PCDHGA8: variants seen among roughly 807,000 people sequenced by gnomAD.
PCDHGA8 encodes protocadherin gamma-A8.
In PCDHGA8, 45 loss-of-function variants were observed where a neutral mutation model predicts 59.2. That is an observed-to-expected ratio of 0.76 (90% CI 0.60 to 0.98). The LOEUF (loss-of-function observed/expected upper bound fraction) is 0.98, where lower values mean the gene tolerates loss of function less well. PCDHGA8 is among the 50% of genes least tolerant of loss of function. The pLI, the probability that PCDHGA8 is intolerant of heterozygous loss-of-function variation, is 0.00. For missense variants in PCDHGA8, 1,257 were observed against 1,196.2 expected (o/e 1.05, Z -0.75); for synonymous variants, 531 against 519.0 (o/e 1.02, Z -0.32).
intron 1 of PCDHGA8, chr5:141,400,377 A>G: frequency 1.2e-6 from 2 of 1,613,892 alleles, no homozygotes; most frequent in Non-Finnish European, 1.7e-6. Flanking sequence ...CCTACAACCT[A>G]TGTGTTGCAC....
At position 141,491,303 on chromosome 5, in the gene PCDHGA8, C is replaced by T; in HGVS notation, c.2425-3504C>T. On this transcript the variant is annotated intron_variant, in intron 1 of 3. Coordinates refer to ENST00000398604, the MANE Select transcript of PCDHGA8 (RefSeq NM_032088.2). This position sits in a 1 kb window ranked among gnomAD's most constrained non-coding sequence, Gnocchi z 6.9. ...TTCCTCATACACCCTCCTGAGCGTT[C>T]AGACCTTACCCTTTACCTCATTGTG... 6.2e-7 allele frequency: 1 copy of T among 1,614,132 alleles called. No homozygotes were observed. The highest frequency in any genetic ancestry group is 8.5e-7 in the Non-Finnish European group (1 of 1,179,962).
chr5:141,450,678 G>C (rs1038323301), intron 1 of PCDHGA8, among the ~76,000 whole-genome samples: 1 of 151,854 alleles, frequency 6.6e-6, no homozygotes, highest in Non-Finnish European at 1.5e-5. Context: ...GTAGAAACGG[G>C]GTTTTGCCAT....
intron 1 of PCDHGA8, among the ~76,000 whole-genome samples, chr5:141,454,859 G>A (rs2098805080): frequency 7.9e-6 from 1 of 126,982 alleles, no homozygotes; most frequent in African/African-American, 3.1e-5. Flanking sequence ...CCAGGCTGGA[G>A]TGCAGTGGCA....
chr5:141,423,517 T>A (rs750915364), intron 1 of PCDHGA8: 1 of 1,613,834 alleles, frequency 6.2e-7, no homozygotes, highest in Admixed American at 1.7e-5. Context: ...CATTGCGGAC[T>A]CGCAGAAGAG....
At chr5:141,397,024 A>G (rs188506780) in intron 1 of PCDHGA8, among the ~76,000 whole-genome samples, 30 of 152,358 alleles carry the variant, frequency 2.0e-4, no homozygotes, top group African/African-American at 7.2e-4. Flanking sequence ...AAGGTTGACC[A>G]ATGTCCACAA....
At chr5:141,419,306 C>T in intron 1 of PCDHGA8, 1 of 1,614,032 alleles carries the variant, frequency 6.2e-7, no homozygotes, top group Non-Finnish European at 8.5e-7. Context: ...AGACTTCGGG[C>T]TCAACGGCCG....
chr5:141,489,692 G>C lies in PCDHGA8; in HGVS notation c.2425-5115G>C, dbSNP rs768806028. The stretch of plus-strand genomic sequence containing the variant: ...TCAGAATCAGCAGCATCTGGGGCAC[G>C]ATTCCCACTGGACAGTGCCCAGGAT... On this transcript the variant is annotated intron_variant, in intron 1 of 3. Transcript: ENST00000398604. This position sits in a 1 kb window ranked among gnomAD's most constrained non-coding sequence, Gnocchi z 4.5. 6.2e-7 allele frequency: 1 copy of C among 1,614,128 alleles called. No individual in the cohort carries two copies. Among genetic ancestry groups the C allele is most frequent in the South Asian group, 1.1e-5 (1 of 91,080 alleles).
intron 1 of PCDHGA8, chr5:141,400,474 G>A: frequency 6.2e-7 from 1 of 1,614,012 alleles, no homozygotes; most frequent in Non-Finnish European, 8.5e-7. Context: ...TTCATCTGGG[G>A]CCTTATTTCC....
At chr5:141,420,275 G>T in intron 1 of PCDHGA8, 1 of 1,524,576 alleles carries the variant, frequency 6.6e-7, no homozygotes, top group Non-Finnish European at 8.9e-7. Flanking sequence ...TCTTAAACAG[G>T]TAAGTATTTA....
intron 1 of PCDHGA8, among the ~76,000 whole-genome samples, chr5:141,406,226 A>G (rs888434232): frequency 4.6e-5 from 7 of 152,108 alleles, no homozygotes; most frequent in African/African-American, 1.7e-4. Flanking sequence ...TGGGAGGGCT[A>G]GCAAGCTATG....
intron 1 of PCDHGA8, chr5:141,408,661 G>T (rs1462103250): frequency 1.2e-6 from 2 of 1,613,888 alleles, no homozygotes; most frequent in Middle Eastern, 3.3e-4. Context: ...CACGACTATC[G>T]CTTGACCCTG....
chr5:141,494,752 T>C (rs889400984), intron 1 of PCDHGA8, 55 bp from the exon 2 acceptor site: 18 of 1,612,206 alleles, frequency 1.1e-5, no homozygotes, highest in Non-Finnish European at 1.5e-5. Context: ...GGGGCTCGGG[T>C]GACATTCTAA....
intron 3 of PCDHGA8, chr5:141,508,338 A>T (rs1245526252): frequency 1.3e-5 from 2 of 152,224 alleles, no homozygotes; most frequent in Non-Finnish European, 2.9e-5. Flanking sequence ...AACTGACTCT[A>T]CAGAAAGTCA....
chr5:141,505,911 A>C (rs2099849083), intron 3 of PCDHGA8, among the ~76,000 whole-genome samples: 1 of 152,154 alleles, frequency 6.6e-6, no homozygotes, highest in South Asian at 2.1e-4. Flanking sequence ...CAAAGCATAG[A>C]GTTCTGGGCC....
Position 141,485,987 on chromosome 5 carries a change from G to T in PCDHGA8, c.2425-8820G>T. 1 of 1,614,170 alleles carries T rather than the reference G, an allele frequency of 6.2e-7. No homozygotes were observed. On this transcript the variant is annotated intron_variant, in intron 1 of 3. Transcript: ENST00000398604. The surrounding 1 kb of genome is among the most constrained non-coding windows in gnomAD (Gnocchi z 5.7). ...GCTCAATGCCTCAGACCCGGACCTG[G>T]GTCCCAGTGGTAACGTCACCTTTTA...
intron 1 of PCDHGA8, among the ~76,000 whole-genome samples, chr5:141,407,095 T>C (rs1242751445): frequency 6.6e-6 from 1 of 152,370 alleles, no homozygotes; most frequent in East Asian, 1.9e-4. Flanking sequence ...ATTGTTTTAT[T>C]TGTTTGTAAT....
In PCDHGA8 at chr5:141,408,711, A is replaced by T. The variant is rs763392682; in HGVS notation, c.2424+13474A>T. The T allele has an allele frequency of 9.3e-6, 15 of 1,612,568 alleles. No homozygotes were observed. In the East Asian group the frequency reaches 3.3e-4, roughly 36 times the overall value. On this transcript the variant is annotated intron_variant, in intron 1 of 3. Transcript: ENST00000398604. The stretch of plus-strand genomic sequence containing the variant: ...ATAAACATAAACTCAATTAAAGATT[A>T]TAAGATAAACTCTAATCCTTATTTT...
intron 1 of PCDHGA8, chr5:141,415,435 C>A: frequency 1.2e-6 from 2 of 1,614,202 alleles, no homozygotes; most frequent in Non-Finnish European, 8.5e-7. Context: ...TCGGGCTTTC[C>A]TGCAGACCTA....
In PCDHGA8 at chr5:141,430,862, G is replaced by A. The variant is rs1365140768; in HGVS notation, c.2424+35625G>A. ...CGGATGCACCCAGATACGCTATTCA[G>A]TTCCGGAAGAGCTGGAGAAAGGCTC... is the stretch of plus-strand genomic sequence containing the variant. On this transcript the variant is annotated intron_variant, in intron 1 of 3. Transcript: ENST00000398604. 3 of 1,594,672 alleles carry A rather than the reference G, an allele frequency of 1.9e-6. No individual in the cohort carries two copies. The African/African-American group carries it at 4.0e-5, about 21-fold the overall frequency.
Sources: allele counts gnomAD v4.1 joint callset (sites outside exome capture counted in the v4.1 genomes callset), GRCh38; gene constraint gnomAD v4.1.1; non-coding constraint Gnocchi (gnomAD v3.1); transcripts MANE v1.5; gene names NCBI Gene and HGNC (gene_info 2026-07-23, HGNC 2026-07-21).